The following ENOX1 variants were observed in gnomAD, a reference collection of about 807,000 sequenced individuals.
ENOX1 encodes candidate growth-related and time keeping constitutive hydroquinone (NADH) oxidase.
Under a neutral mutation model 82.5 loss-of-function variants are expected in ENOX1, and 42 were observed. The ratio of observed to expected loss-of-function variants is 0.51; its 90% confidence interval spans 0.40 to 0.66. The LOEUF (loss-of-function observed/expected upper bound fraction) is 0.66, where lower values mean the gene tolerates loss of function less well. Among genes scored for constraint, ENOX1 ranks in the 30% least tolerant of loss-of-function variants. The pLI is 0.00. For synonymous variants in ENOX1, 271 were observed against 282.2 expected, an observed-to-expected ratio of 0.96 and a Z score of 0.40; for missense variants, 608 against 811.6, an observed-to-expected ratio of 0.75 and a Z score of 3.05.
intron 1 of ENOX1, among the ~76,000 whole-genome samples, chr13:43,694,227 GA>G (rs11356439): frequency 0.97 from 142,401 of 146,370 alleles, 69,280 homozygotes; most frequent in East Asian, 0.99. Context: ...AAACTTAGGG[GA>G]AAAAAAAAAA....
chr13:43,687,214 C>T (rs78045412), intron 1 of ENOX1, among the ~76,000 whole-genome samples: 1 of 152,162 alleles, frequency 6.6e-6, no homozygotes, highest in Non-Finnish European at 1.5e-5. Context: ...TCACATTTAA[C>T]AAATATTTGC....
chr13:43,466,484 A>G (rs1222627502), intron 3 of ENOX1, among the ~76,000 whole-genome samples: 1 of 152,202 alleles, frequency 6.6e-6, no homozygotes, highest in Non-Finnish European at 1.5e-5. Context: ...CTGAGTCATT[A>G]TAATAAAGAA....
intron 3 of ENOX1, among the ~76,000 whole-genome samples, chr13:43,476,018 C>A (rs1283976643): frequency 6.6e-6 from 1 of 152,020 alleles, no homozygotes; most frequent in East Asian, 1.9e-4. Context: ...TGTTTATAGA[C>A]CTCAGTTTTC....
intron 3 of ENOX1, among the ~76,000 whole-genome samples, chr13:43,431,349 T>TTC (rs774242225): frequency 2.0e-5 from 3 of 152,154 alleles, no homozygotes; most frequent in Non-Finnish European, 4.4e-5. Flanking sequence ...GCACTTGTGG[T>TTC]TCCTCCAGGT....
intron 1 of ENOX1, among the ~76,000 whole-genome samples, chr13:43,675,208 T>A (rs2085452190): frequency 6.6e-6 from 1 of 152,112 alleles, no homozygotes; most frequent in Non-Finnish European, 1.5e-5. Flanking sequence ...TCTACAGTAG[T>A]AGCAACAGAG....
chr13:43,743,277 C>A (rs1949849407), intron 1 of ENOX1, among the ~76,000 whole-genome samples: 2 of 151,888 alleles, frequency 1.3e-5, no homozygotes, highest in South Asian at 2.1e-4. Flanking sequence ...TCATGACTAA[C>A]CTAAAAAAAA....
chr13:43,508,199 T>G (rs981255196), intron 2 of ENOX1, among the ~76,000 whole-genome samples: 1 of 152,040 alleles, frequency 6.6e-6, no homozygotes, highest in African/African-American at 2.4e-5. Context: ...TCCTCATGAA[T>G]GGATCAGTGC....
intron 11 of ENOX1, 99 bp from the exon 12 acceptor site, chr13:43,298,629 T>A: frequency 8.7e-7 from 1 of 1,146,814 alleles, no homozygotes; most frequent in Non-Finnish European, 1.2e-6. Flanking sequence ...GTTCTTAATG[T>A]TTGTACCAGC....
chr13:43,319,439 A>G (rs2047687810), intron 11 of ENOX1, among the ~76,000 whole-genome samples: 1 of 152,228 alleles, frequency 6.6e-6, no homozygotes, highest in Non-Finnish European at 1.5e-5. Flanking sequence ...CAAAAAGCAG[A>G]GATATATTGA....
chr13:43,670,622 G>C (rs1238565509), intron 1 of ENOX1, among the ~76,000 whole-genome samples: 1 of 152,142 alleles, frequency 6.6e-6, no homozygotes, highest in Non-Finnish European at 1.5e-5. Context: ...GGGAGGCTGA[G>C]GCAGGTGGAT....
intron 3 of ENOX1, among the ~76,000 whole-genome samples, chr13:43,433,481 A>G (rs2055809849): frequency 6.6e-6 from 1 of 152,152 alleles, no homozygotes; most frequent in Non-Finnish European, 1.5e-5. Context: ...TAGCAGATAT[A>G]TGGGAAATTT....
chr13:43,247,620 A>G (rs2043146875), intron 14 of ENOX1, among the ~76,000 whole-genome samples: 1 of 150,890 alleles, frequency 6.6e-6, no homozygotes. Context: ...TCATTTGGTT[A>G]TATCTACCGT....
chr13:43,621,991 C>T (rs777538995), intron 2 of ENOX1, among the ~76,000 whole-genome samples: 10 of 152,080 alleles, frequency 6.6e-5, no homozygotes, highest in Non-Finnish European at 1.2e-4. Flanking sequence ...TGGGTTAATT[C>T]GAAGACCCTG....
chr13:43,660,678 T>C (rs1337532993), intron 2 of ENOX1, among the ~76,000 whole-genome samples: 1 of 152,190 alleles, frequency 6.6e-6, no homozygotes. Context: ...AATTGATAAT[T>C]AACCTAAAAG....
At chr13:43,755,788 T>C (rs1291142675) in intron 1 of ENOX1, among the ~76,000 whole-genome samples, 4 of 152,198 alleles carry the variant, frequency 2.6e-5, no homozygotes, top group Admixed American at 2.6e-4. Flanking sequence ...GAATACATGT[T>C]GATTACTTTC....
intron 3 of ENOX1, among the ~76,000 whole-genome samples, chr13:43,427,303 T>C (rs2055371961): frequency 6.6e-6 from 1 of 152,176 alleles, no homozygotes; most frequent in South Asian, 2.1e-4. Context: ...CTCGATCTCA[T>C]GAAAAAGACT....
At chr13:43,380,858 A>C (rs2051993727) in intron 5 of ENOX1, among the ~76,000 whole-genome samples, 1 of 151,822 alleles carries the variant, frequency 6.6e-6, no homozygotes, top group Non-Finnish European at 1.5e-5. Context: ...AAGAAAATAT[A>C]ACAATCCCAA....
At chr13:43,639,889 C>A (rs1051067338) in intron 2 of ENOX1, among the ~76,000 whole-genome samples, 3 of 152,066 alleles carry the variant, frequency 2.0e-5, no homozygotes, top group Non-Finnish European at 2.9e-5. Flanking sequence ...ATTAGCCAGG[C>A]ATGGTGGTGT....
At chr13:43,754,051 T>TATATATACATATACGTATATAAATACAC (rs1950477980) in intron 1 of ENOX1, among the ~76,000 whole-genome samples, 1 of 117,770 alleles carries the variant, frequency 8.5e-6, no homozygotes, top group African/African-American at 3.9e-5. Context: ...TAAATACACA[T>TATATATACATATACGTATATAAATACAC]ATATATACAT....
Sources: allele counts gnomAD v4.1 joint callset (sites outside exome capture counted in the v4.1 genomes callset), GRCh38; gene constraint gnomAD v4.1.1; transcripts MANE v1.5; gene names NCBI Gene and HGNC (gene_info 2026-07-23, HGNC 2026-07-21).